METTL15: variants seen among roughly 807,000 people sequenced by gnomAD.
METTL15 encodes the protein methyltransferase 15, mitochondrial 12S rRNA N4-cytidine, also known as 12S rRNA N(4)-cytidine methyltransferase METTL15.
METTL15 carries 34 observed loss-of-function variants against 38.3 expected under a neutral mutation model. That is an observed-to-expected ratio of 0.89 (90% confidence interval 0.68 to 1.18). The LOEUF (loss-of-function observed/expected upper bound fraction) is 1.18. METTL15 is among the 50% of genes most tolerant of loss of function. The pLI, the probability that METTL15 is intolerant of heterozygous loss-of-function variation, is 0.00. For missense variants in METTL15, 438 were observed against 498.4 expected, an observed-to-expected ratio of 0.88 and a Z score of 1.15; for synonymous variants, 162 against 170.9, an observed-to-expected ratio of 0.95 and a Z score of 0.41.
At chr11:28,496,747 C>T (rs996108487) in intron 6 of METTL15, among the ~76,000 whole-genome samples, 1 of 152,184 alleles carries the variant, frequency 6.6e-6, no homozygotes, top group African/African-American at 2.4e-5. Context: ...ACTTGAGGCT[C>T]AGCTAGTGCC....
At chr11:28,457,434 A>G (rs1851178412) in intron 6 of METTL15, among the ~76,000 whole-genome samples, 1 of 152,244 alleles carries the variant, frequency 6.6e-6, no homozygotes, top group African/African-American at 2.4e-5. Flanking sequence ...ATAATCCTTA[A>G]GCACTCTATA....
At chr11:28,116,845 C>T (rs1041466925) in intron 3 of METTL15, among the ~76,000 whole-genome samples, 4 of 152,094 alleles carry the variant, frequency 2.6e-5, no homozygotes, top group African/African-American at 9.7e-5. Context: ...TCATAACTCA[C>T]TGTAGTCTGG....
Position 28,167,389 on chromosome 11 carries a change from G to A in METTL15, c.271-43673G>A, listed in dbSNP as rs536230464. Among the ~76,000 whole-genome samples, 137 of 152,216 alleles carry A rather than the reference G, an allele frequency of 9.0e-4. 1 individual carries two copies. The South Asian group carries it at 0.027, about 30-fold the overall frequency. ...AGCAGTGGCAAACACAACCAGGGTC[G>A]TGCCACCAAATAGTCCACCTTGCGA... On this transcript the variant is annotated intron_variant, in intron 3 of 6. Coordinates refer to ENST00000407364, the MANE Select transcript of METTL15 (RefSeq NM_001113528.2).
Position 28,392,088 on chromosome 11 carries a change from A to C in METTL15, c.*358+30052A>C, listed in dbSNP as rs191942342. ...CTTCAGACAAAGGGCTAATATCCAGAATCTACTATGAACTCAAACAAATTT... is the reference window on the plus strand; with the variant it reads ...CTTCAGACAAAGGGCTAATATCCAGCATCTACTATGAACTCAAACAAATTT... On this transcript the variant is annotated intron_variant and NMD_transcript_variant, in intron 5 of 7. Coordinates refer to the METTL15 transcript ENST00000532947. Among the ~76,000 whole-genome samples, 7 of 152,304 alleles carry C rather than the reference A, an allele frequency of 4.6e-5. No individual in the cohort carries two copies. In the East Asian group the frequency reaches 1.4e-3, roughly 29 times the overall value.
chr11:28,181,221 A>G (rs1851270534), intron 3 of METTL15, among the ~76,000 whole-genome samples: 1 of 149,954 alleles, frequency 6.7e-6, no homozygotes, highest in Admixed American at 6.7e-5. Context: ...TTTTGCTAAT[A>G]CTAAAGATAA....
At chr11:28,144,738 A>G (rs896262817) in intron 3 of METTL15, among the ~76,000 whole-genome samples, 4 of 152,114 alleles carry the variant, frequency 2.6e-5, no homozygotes, top group African/African-American at 9.7e-5. Flanking sequence ...TGCTTATATT[A>G]AAGGATGTAA....
chr11:28,514,404 A>G (rs2133504055), intron 6 of METTL15, among the ~76,000 whole-genome samples: 1 of 152,356 alleles, frequency 6.6e-6, no homozygotes, highest in Admixed American at 6.5e-5. Context: ...TATAGATGTC[A>G]TATATAGGAG....
intron 6 of METTL15, among the ~76,000 whole-genome samples, chr11:28,303,589 GTA>G (rs1176005197): frequency 6.6e-6 from 1 of 152,142 alleles, no homozygotes; most frequent in Admixed American, 6.6e-5. Flanking sequence ...TTGATTAAAT[GTA>G]TAGATTTATT....
chr11:28,344,143 G>A (rs1354391971), intron 3 of METTL15, among the ~76,000 whole-genome samples: 2 of 152,030 alleles, frequency 1.3e-5, no homozygotes, highest in Non-Finnish European at 2.9e-5. Flanking sequence ...TTCACCAATC[G>A]CCATGCACTT....
rs540111802 is a variant in METTL15, at chr11:28,377,485, C to T, written c.*358+15449C>T. ...AGGCTTCTGTGTTGTTCACGTAGTT[C>T]TCGAGCCTTGGTTTTCAGCTCCATC... On this transcript the variant is annotated intron_variant and NMD_transcript_variant, in intron 5 of 7. Coordinates refer to the METTL15 transcript ENST00000532947. Among the ~76,000 whole-genome samples, 15 of 152,166 alleles carry T rather than the reference C, an allele frequency of 9.9e-5. No homozygotes were observed. The South Asian group carries it at 2.9e-3, about 30-fold the overall frequency.
At chr11:28,125,658 A>G (rs1209548919) in intron 3 of METTL15, 2 of 152,112 alleles carry the variant, frequency 1.3e-5, no homozygotes, top group Non-Finnish European at 2.9e-5. Flanking sequence ...AGAATAATTT[A>G]TTGGTTAAAT....
chr11:28,464,965 T>A lies in METTL15; in HGVS notation c.*424+40601T>A, dbSNP rs564876212. 7.9e-5 allele frequency among the ~76,000 whole-genome samples: 12 copies of A among 152,336 alleles called. No homozygotes were observed. The South Asian group carries it at 1.4e-3, about 18-fold the overall frequency. On this transcript the variant is annotated intron_variant and NMD_transcript_variant, in intron 6 of 7. Transcript: ENST00000532947. ...CCCCTTCATCTTCCTTCTAATCACA[T>A]ACAAGCTTCTTGGAAGATCTGGTCA...
intron 6 of METTL15, among the ~76,000 whole-genome samples, chr11:28,524,016 T>C (rs35031414): frequency 0.17 from 25,489 of 152,238 alleles, 2,395 homozygotes; most frequent in Non-Finnish European, 0.21. Flanking sequence ...AATTATCTGA[T>C]CTAACGTGTC....
At chr11:28,289,579 A>G (rs575947046) in intron 4 of METTL15, among the ~76,000 whole-genome samples, 3 of 152,274 alleles carry the variant, frequency 2.0e-5, no homozygotes, top group Non-Finnish European at 4.4e-5. Flanking sequence ...TATAGCTGCA[A>G]GGTGATCCCA....
At chr11:28,480,714 A>T (rs1459104718) in intron 6 of METTL15, among the ~76,000 whole-genome samples, 2 of 152,198 alleles carry the variant, frequency 1.3e-5, no homozygotes, top group Non-Finnish European at 2.9e-5. Flanking sequence ...CTATTGAGAT[A>T]TTAAGGTTTT....
chr11:28,337,212 T>TA (rs1358674230), downstream of METTL15, among the ~76,000 whole-genome samples: 1 of 152,156 alleles, frequency 6.6e-6, no homozygotes, highest in Non-Finnish European at 1.5e-5. Flanking sequence ...GTAAAAAACT[T>TA]ACTTTAAGCT....
chr11:28,156,433 G>A (rs1283755127), intron 3 of METTL15, among the ~76,000 whole-genome samples: 1 of 152,128 alleles, frequency 6.6e-6, no homozygotes. Context: ...AGTTCAAAAT[G>A]CCATAATTGT....
At chr11:28,203,409 T>C (rs1852188740) in intron 3 of METTL15, among the ~76,000 whole-genome samples, 2 of 152,100 alleles carry the variant, frequency 1.3e-5, no homozygotes, top group African/African-American at 4.8e-5. Flanking sequence ...AGAACACTGG[T>C]TGTTTTTAAC....
chr11:28,159,016 A>G (rs1424250014), intron 3 of METTL15, among the ~76,000 whole-genome samples: 1 of 151,996 alleles, frequency 6.6e-6, no homozygotes, highest in African/African-American at 2.4e-5. Flanking sequence ...CTTACCATCA[A>G]CCCTAGTGAT....
Sources: allele counts gnomAD v4.1 joint callset (sites outside exome capture counted in the v4.1 genomes callset), GRCh38; gene constraint gnomAD v4.1.1; transcripts MANE v1.5; gene names NCBI Gene and HGNC (gene_info 2026-07-23, HGNC 2026-07-21).